Variants in PLCB1 observed in about 807,000 individuals in gnomAD.
The protein encoded by PLCB1 is phospholipase C beta 1.
PLCB1 carries 46 observed loss-of-function variants against 161.8 expected under a neutral mutation model. That is an observed-to-expected ratio of 0.28 (90% CI 0.22 to 0.36). The LOEUF (loss-of-function observed/expected upper bound fraction) is 0.36, where lower values mean the gene tolerates loss of function less well. Ranked by LOEUF, PLCB1 falls within the 10% of genes least tolerant of loss-of-function variation. The pLI is 1.00. For synonymous variants in PLCB1, 517 were observed against 503.7 expected, an observed-to-expected ratio of 1.03 and a Z score of -0.35; for missense variants, 1,016 against 1,472.5, an observed-to-expected ratio of 0.69 and a Z score of 5.07.
At chr20:8,506,790 GT>G (rs1983654124) in intron 3 of PLCB1, among the ~76,000 whole-genome samples, 1 of 152,090 alleles carries the variant, frequency 6.6e-6, no homozygotes, top group Non-Finnish European at 1.5e-5. Flanking sequence ...TGATTAGTTT[GT>G]TATTTGCCTC....
intron 2 of PLCB1, among the ~76,000 whole-genome samples, chr20:8,308,504 C>T (rs1984238069): frequency 6.6e-6 from 1 of 151,656 alleles, no homozygotes; most frequent in South Asian, 2.1e-4. Flanking sequence ...GTAATCCCAG[C>T]TACTCGGGAG....
At chr20:8,157,151 A>G (rs1179107484) in intron 2 of PLCB1, among the ~76,000 whole-genome samples, 1 of 152,214 alleles carries the variant, frequency 6.6e-6, no homozygotes, top group East Asian at 1.9e-4. Flanking sequence ...AGAAGGATTT[A>G]TTGTTTAAAA....
intron 31 of PLCB1, among the ~76,000 whole-genome samples, chr20:8,856,768 G>A (rs1015526064): frequency 6.6e-6 from 1 of 152,182 alleles, no homozygotes; most frequent in Non-Finnish European, 1.5e-5. Flanking sequence ...TGGAGTGCTG[G>A]TATTGATCTG....
rs1184628255 is a variant in PLCB1, at chr20:8,740,385, C to T, written c.2350C>T (p.Leu784=). The change falls in exon 22 of 32, where the codon CTG becomes TTG. Residue 784 remains leucine (L), a synonymous_variant. Coordinates refer to ENST00000338037, the MANE Select transcript of PLCB1 (RefSeq NM_015192.4). ...ICLRNERNQP[L]TLPAVFVYIE... ...TCTAAGGAATGAAAGGAACCAGCCT[C>T]TGACGCTGCCTGCTGTCTTTGTCTA... 1.2e-6 allele frequency: 2 copies of T among 1,609,116 alleles called. No homozygotes were observed. Among genetic ancestry groups the T allele is most frequent in the Non-Finnish European group, 1.7e-6 (2 of 1,178,422 alleles).
intron 31 of PLCB1, among the ~76,000 whole-genome samples, chr20:8,835,535 T>G (rs1986246524): frequency 6.6e-6 from 1 of 152,166 alleles, no homozygotes; most frequent in African/African-American, 2.4e-5. Context: ...AGCAATCTAC[T>G]CATTTATGAA....
At chr20:8,650,373 C>T (rs978002827) in intron 7 of PLCB1, among the ~76,000 whole-genome samples, 1 of 152,070 alleles carries the variant, frequency 6.6e-6, no homozygotes, top group African/African-American at 2.4e-5. Flanking sequence ...GGTAATGATC[C>T]AATGACCCAA....
rs796787480 is a variant in PLCB1 at position 8,372,547 on chromosome 20, T to C, written c.246+1097T>C. Among the ~76,000 whole-genome samples the C allele has an allele frequency of 1.3e-4, 20 of 152,338 alleles. No homozygotes were observed. In the East Asian group the frequency reaches 2.9e-3, roughly 22 times the overall value. On this transcript the variant is annotated intron_variant, in intron 3 of 31. Coordinates refer to ENST00000338037, the MANE Select transcript of PLCB1 (RefSeq NM_015192.4). Reference sequence around the variant, plus strand: ...ATTTTTGAAAGAAAAATTAGAACTGTATTCAAGAAGGCTTCTATAAGTGTT... The same window carrying C: ...ATTTTTGAAAGAAAAATTAGAACTGCATTCAAGAAGGCTTCTATAAGTGTT...
chr20:8,338,450 C>T (rs1216479820), intron 2 of PLCB1, among the ~76,000 whole-genome samples: 2 of 152,010 alleles, frequency 1.3e-5, no homozygotes, highest in African/African-American at 4.8e-5. Flanking sequence ...AGAAAGGGCA[C>T]CTCTGATGGG....
At chr20:8,219,578 A>G (rs186120365) in intron 2 of PLCB1, among the ~76,000 whole-genome samples, 1 of 152,308 alleles carries the variant, frequency 6.6e-6, no homozygotes, top group East Asian at 1.9e-4. Flanking sequence ...TTGTTGATGT[A>G]AGATACTGAC....
intron 2 of PLCB1, among the ~76,000 whole-genome samples, chr20:8,360,315 G>A (rs1986494948): frequency 1.3e-5 from 2 of 152,106 alleles, no homozygotes; most frequent in South Asian, 4.1e-4. Context: ...GATAGACGCT[G>A]GGGGATGGGT....
intron 3 of PLCB1, among the ~76,000 whole-genome samples, chr20:8,538,807 T>G (rs1361862949): frequency 6.6e-6 from 1 of 151,962 alleles, no homozygotes; most frequent in East Asian, 1.9e-4. Flanking sequence ...TTTTTTTTTT[T>G]TTTTGAGATG....
chr20:8,795,442 G>T (rs575504260), intron 31 of PLCB1, among the ~76,000 whole-genome samples: 1 of 152,268 alleles, frequency 6.6e-6, no homozygotes, highest in South Asian at 2.1e-4. Flanking sequence ...GGGAATACTT[G>T]GCTCCTTTCC....
chr20:8,262,912 A>G (rs925234166), intron 2 of PLCB1, among the ~76,000 whole-genome samples: 1 of 152,148 alleles, frequency 6.6e-6, no homozygotes, highest in Non-Finnish European at 1.5e-5. Flanking sequence ...CAAGGGCTCT[A>G]ACTCCATCAT....
chr20:8,779,335 A>G (rs1434386141), intron 27 of PLCB1, among the ~76,000 whole-genome samples: 1 of 152,102 alleles, frequency 6.6e-6, no homozygotes, highest in Non-Finnish European at 1.5e-5. Flanking sequence ...AATAAACAGT[A>G]CTAAGAAATG....
intron 2 of PLCB1, among the ~76,000 whole-genome samples, chr20:8,258,532 T>G (rs1981537485): frequency 6.6e-6 from 1 of 152,200 alleles, no homozygotes; most frequent in Non-Finnish European, 1.5e-5. Flanking sequence ...GATCTTGAGT[T>G]CAGTTTTTCC....
chr20:8,272,989 A>T (rs1982358558), intron 2 of PLCB1, among the ~76,000 whole-genome samples: 1 of 152,148 alleles, frequency 6.6e-6, no homozygotes, highest in African/African-American at 2.4e-5. Flanking sequence ...CAGTGGATGT[A>T]CTCATTCCTG....
intron 23 of PLCB1, among the ~76,000 whole-genome samples, chr20:8,750,583 C>G (rs1439573344): frequency 1.3e-5 from 2 of 152,172 alleles, no homozygotes; most frequent in Non-Finnish European, 1.5e-5. Context: ...TTGCAAACAT[C>G]AGTATACTTC....
At chr20:8,753,342 A>T (rs1466859506) in intron 23 of PLCB1, among the ~76,000 whole-genome samples, 1 of 152,084 alleles carries the variant, frequency 6.6e-6, no homozygotes, top group Admixed American at 6.6e-5. Flanking sequence ...TCCATGAAAA[A>T]ATTATCTTCC....
intron 2 of PLCB1, among the ~76,000 whole-genome samples, chr20:8,155,156 AT>A (rs576393630): frequency 1.5e-3 from 233 of 152,128 alleles, no homozygotes; most frequent in Middle Eastern, 6.8e-3. Context: ...CTGGGTTCTG[AT>A]TTCCTACTTC....
Sources: gnomAD v4.1 joint callset for allele counts (sites outside exome capture counted in the v4.1 genomes callset) on GRCh38, gnomAD v4.1.1 for gene constraint, MANE v1.5 for transcripts, NCBI Gene and HGNC (gene_info 2026-07-23, HGNC 2026-07-21) for gene names.